The following LAIR2 variants were observed in gnomAD, a reference collection of about 807,000 sequenced individuals.
The protein encoded by LAIR2 is leukocyte-associated immunoglobulin-like receptor 2.
In LAIR2, 14 loss-of-function variants were observed where a neutral mutation model predicts 14.8. The ratio of observed to expected loss-of-function variants is 0.95; its 90% CI spans 0.62 to 1.48. The LOEUF (loss-of-function observed/expected upper bound fraction) is 1.48. Among genes scored for constraint, LAIR2 ranks in the 40% most tolerant of loss-of-function variants. The pLI is 0.00. For missense variants in LAIR2, 172 were observed against 180.9 expected, an observed-to-expected ratio of 0.95 and a Z score of 0.28; for synonymous variants, 75 against 74.5, an observed-to-expected ratio of 1.01 and a Z score of -0.03.
At chr19:54,506,381 T>C (rs2085364458) in intron 2 of LAIR2, among the ~76,000 whole-genome samples, 1 of 152,190 alleles carries the variant, frequency 6.6e-6, no homozygotes, top group Non-Finnish European at 1.5e-5. Context: ...GATTCTTGAA[T>C]TGATTTCTCC....
intron 4 of LAIR2, 129 bp from the exon 5 acceptor site, chr19:54,510,397 G>A: frequency 1.5e-6 from 1 of 652,144 alleles, no homozygotes; most frequent in South Asian, 2.3e-5. Flanking sequence ...CAATAGAAGA[G>A]CTGTCCTGGT....
At chr19:54,508,424 C>A (rs970536977) in intron 3 of LAIR2, among the ~76,000 whole-genome samples, 2 of 152,224 alleles carry the variant, frequency 1.3e-5, no homozygotes, top group African/African-American at 4.8e-5. Flanking sequence ...ACACTCAGTC[C>A]CAGCATTGGG....
At chr19:54,509,658 G>A (rs927074235) in intron 4 of LAIR2, among the ~76,000 whole-genome samples, 4 of 147,720 alleles carry the variant, frequency 2.7e-5, no homozygotes, top group African/African-American at 7.4e-5. Flanking sequence ...CTTAAGAGGA[G>A]GAGGGCTCCA....
chr19:54,503,064 T>G, intron 1 of LAIR2, 112 bp downstream of exon 1: 1 of 1,040,040 alleles, frequency 9.6e-7, no homozygotes, highest in Non-Finnish European at 1.4e-6. Context: ...AGTGTCCTCC[T>G]CCCCCCAAGA....
At chr19:54,504,560 C>T (rs534489457) in intron 2 of LAIR2, among the ~76,000 whole-genome samples, 25 of 152,200 alleles carry the variant, frequency 1.6e-4, no homozygotes, top group African/African-American at 4.3e-4. Flanking sequence ...CCCCATTTCC[C>T]GACTTTAATA....
rs767694750 is a variant in LAIR2 at position 54,510,583 on chromosome 19, G to T, written c.*14G>T. 6.2e-7 allele frequency: 1 copy of T among 1,613,810 alleles called. No homozygotes were observed. Among genetic ancestry groups the T allele is most frequent in the South Asian group, 1.1e-5 (1 of 91,074 alleles). On this transcript the variant is annotated 3_prime_UTR_variant, in exon 5 of 5. Coordinates refer to ENST00000301202, the MANE Select transcript of LAIR2 (RefSeq NM_002288.6). ...GATGCACCATGAATGAGGAGAAATG[G>T]CCTCCCGTCTTGTGAACTTCAATGG...
At chr19:54,504,592 C>T (rs1275621398) in intron 2 of LAIR2, among the ~76,000 whole-genome samples, 1 of 152,060 alleles carries the variant, frequency 6.6e-6, no homozygotes, top group Non-Finnish European at 1.5e-5. Flanking sequence ...ATCTCTAACT[C>T]TGTGAGATGA....
intron 2 of LAIR2, among the ~76,000 whole-genome samples, chr19:54,504,113 C>T (rs1283472791): frequency 3.9e-5 from 5 of 129,372 alleles, no homozygotes; most frequent in African/African-American, 1.2e-4. Context: ...CCCACCACCA[C>T]CCCTGGCTAA....
chr19:54,506,378 G>C (rs4806518), intron 2 of LAIR2, among the ~76,000 whole-genome samples: 60,464 of 151,954 alleles, frequency 0.4, 12,977 homozygotes, highest in Non-Finnish European at 0.46. Flanking sequence ...GATGATTCTT[G>C]AATTGATTTC....
At position 54,504,766 on chromosome 19, in the gene LAIR2, C is replaced by T. The variant is rs532358466; in HGVS notation, c.70+1031C>T. Among the ~76,000 whole-genome samples the T allele has an allele frequency of 5.9e-5, 9 of 152,184 alleles. No homozygotes were observed. In the South Asian group the frequency reaches 1.0e-3, roughly 18 times the overall value. On this transcript the variant is annotated intron_variant, in intron 2 of 4. Transcript: ENST00000301202. ...CTGGGATTACAGGTGCATGCCACCA[C>T]GCCCAGCTAATTTTTGTGTTTTTAG...
intron 2 of LAIR2, among the ~76,000 whole-genome samples, chr19:54,506,238 G>A (rs1033857828): frequency 6.6e-6 from 1 of 152,084 alleles, no homozygotes; most frequent in East Asian, 1.9e-4. Flanking sequence ...TGGCTACATC[G>A]AGCTAGGCAA....
In LAIR2 at chr19:54,503,672, A is replaced by G; in HGVS notation, c.35-28A>G. On this transcript the variant is annotated intron_variant, in intron 1 of 4. Coordinates refer to ENST00000301202, the MANE Select transcript of LAIR2 (RefSeq NM_002288.6). Reference sequence around the variant, plus strand: ...CCTGTAAGGAGACTGGGCAGTGGGCATTTTTCTCACTGGGGCTTCTCTTCC... The same window carrying G: ...CCTGTAAGGAGACTGGGCAGTGGGCGTTTTTCTCACTGGGGCTTCTCTTCC... 1.9e-6 allele frequency: 3 copies of G among 1,613,806 alleles called. No homozygotes were observed. In the South Asian group the frequency reaches 3.3e-5, roughly 18 times the overall value.
intron 2 of LAIR2, among the ~76,000 whole-genome samples, chr19:54,507,006 G>A (rs1054765005): frequency 6.6e-6 from 1 of 151,812 alleles, no homozygotes; most frequent in African/African-American, 2.4e-5. Flanking sequence ...GTGTATACCT[G>A]TATCAAAACA....
rs61737870 is a variant in LAIR2 at position 54,508,156 on chromosome 19, C to G, written c.336C>G (p.His112Gln). The stretch of plus-strand genomic sequence containing the variant: ...ATAAGCCCCCTGGATGGTCTGAGCA[C>G]AGTGACTTCCTGGAGCTGCTGGTGA... Reference protein sequence around the residue: ...LYYKPPGWSEHSDFLELLVKE... With the variant: ...LYYKPPGWSEQSDFLELLVKE... Residue 112 changes from histidine to glutamine, a missense_variant, in exon 3 of 5, where the codon CAC becomes CAG. By Grantham distance (24) the His-to-Gln change is conservative. This residue lies in a region of LAIR2 where 161 missense variants were observed against 149.0 expected (regional missense o/e 1.08). Transcript: ENST00000301202. 0.053 allele frequency: 84,914 copies of G among 1,613,000 alleles called. 3,608 individuals are homozygous for G. The highest frequency in any genetic ancestry group is 0.22 in the African/African-American group (16,456 of 74,918).
At chr19:54,508,214 T>G in intron 3 of LAIR2, 30 bp downstream of exon 3, 1 of 1,590,546 alleles carries the variant, frequency 6.3e-7, no homozygotes, top group Non-Finnish European at 8.6e-7. Flanking sequence ...CCTGCCCCAG[T>G]CTCAGCTCGA....
chr19:54,504,115 C>T (rs2085322862), intron 2 of LAIR2, among the ~76,000 whole-genome samples: 1 of 123,822 alleles, frequency 8.1e-6, no homozygotes, highest in African/African-American at 3.1e-5. Flanking sequence ...CACCACCACC[C>T]CTGGCTAATT....
chr19:54,508,212 A>G (rs1449015228), intron 3 of LAIR2, 28 bp downstream of exon 3: 3 of 1,592,808 alleles, frequency 1.9e-6, no homozygotes, highest in African/African-American at 2.7e-5. Flanking sequence ...GCCCTGCCCC[A>G]GTCTCAGCTC....
intron 1 of LAIR2, 117 bp downstream of exon 1, chr19:54,503,069 C>A (rs181838361): frequency 1.7e-5 from 16 of 933,938 alleles, no homozygotes; most frequent in Middle Eastern, 2.3e-4. Context: ...CCTCCTCCCC[C>A]CAAGACTGCC....
At chr19:54,506,801 T>C (rs1462070351) in intron 2 of LAIR2, among the ~76,000 whole-genome samples, 1 of 152,200 alleles carries the variant, frequency 6.6e-6, no homozygotes, top group Non-Finnish European at 1.5e-5. Flanking sequence ...TTTGGGGAGA[T>C]GCTGGTCAAA....
Sources: allele counts gnomAD v4.1 joint callset (sites outside exome capture counted in the v4.1 genomes callset), GRCh38; gene constraint gnomAD v4.1.1; regional missense constraint gnomAD v4.1.1; transcripts MANE v1.5; gene names NCBI Gene and HGNC (gene_info 2026-07-23, HGNC 2026-07-21).